C6: variants seen among roughly 807,000 people sequenced by gnomAD.
The protein encoded by C6 is complement C6.
A neutral mutation model predicts 112.9 loss-of-function variants in C6; 101 were observed. The observed-to-expected ratio is 0.89, with a 90% CI of 0.76 to 1.06. The LOEUF (loss-of-function observed/expected upper bound fraction) is 1.06. C6 is among the 50% of genes least tolerant of loss of function. The pLI, the probability that C6 is intolerant of heterozygous loss-of-function variation, is 0.00. For synonymous variants in C6, 431 were observed against 384.1 expected (o/e 1.12, Z -1.43); for missense variants, 1,202 against 1,104.6 (o/e 1.09, Z -1.25).
Position 41,172,619 on chromosome 5 carries a change from G to T in C6, c.1169-272C>A, listed in dbSNP as rs1256599984. 1.4e-5 allele frequency: 7 copies of T among 513,148 alleles called. No homozygotes were observed. The East Asian group carries it at 2.2e-4, about 16-fold the overall frequency. 31.8% of individuals were successfully genotyped at this position (513,148 alleles called of 1,614,324 possible). A position where few individuals can be genotyped will look rare whatever the true frequency, so the allele number is the denominator to read the frequency against. The stretch of plus-strand genomic sequence containing the variant: ...TCAGAAGCACATATGAGCCATTTTG[G>T]CCCTTCCCATGGGGATGGTGATGTC... On this transcript the variant is annotated intron_variant, in intron 8 of 17. Transcript: ENST00000337836.
chr5:41,203,018 T>C, intron 2 of C6, 70 bp downstream of exon 2: 2 of 1,446,172 alleles, frequency 1.4e-6, no homozygotes, highest in Non-Finnish European at 1.9e-6. Flanking sequence ...AGTGTTGCAC[T>C]CCTGATGTTG....
At chr5:41,216,686 C>T (rs1381294348), upstream of C6, among the ~76,000 whole-genome samples, 1 of 152,052 alleles carries the variant, frequency 6.6e-6, no homozygotes, top group Non-Finnish European at 1.5e-5. Flanking sequence ...CCTCATTTTT[C>T]CACCTTGCCA....
At chr5:41,252,464 G>A (rs776893005) in intron 1 of C6, among the ~76,000 whole-genome samples, 1 of 152,170 alleles carries the variant, frequency 6.6e-6, no homozygotes, top group Non-Finnish European at 1.5e-5. Context: ...CTACAAGACA[G>A]ACTCTTTGTA....
chr5:41,216,433 C>G (rs938199915), upstream of C6, among the ~76,000 whole-genome samples: 1 of 152,048 alleles, frequency 6.6e-6, no homozygotes, highest in Non-Finnish European at 1.5e-5. Context: ...GGATTTTATC[C>G]TCACCCCTTT....
intron 9 of C6, among the ~76,000 whole-genome samples, chr5:41,171,739 A>G (rs1748437803): frequency 6.6e-6 from 1 of 152,172 alleles, no homozygotes; most frequent in Admixed American, 6.5e-5. Context: ...TCCATTTGCC[A>G]AAGTCTTCAG....
chr5:41,193,573 TCTCA>T (rs911451868), intron 5 of C6, among the ~76,000 whole-genome samples: 41 of 152,164 alleles, frequency 2.7e-4, no homozygotes, highest in African/African-American at 9.7e-4. Flanking sequence ...TACTCACAGA[TCTCA>T]CTATTTTGCC....
chr5:41,157,368 G>T (rs1312737384), intron 13 of C6, among the ~76,000 whole-genome samples: 1 of 152,122 alleles, frequency 6.6e-6, no homozygotes, highest in Non-Finnish European at 1.5e-5. Context: ...TTGGTATCTG[G>T]ATCTGCCAAT....
intron 1 of C6, among the ~76,000 whole-genome samples, chr5:41,256,423 T>A: frequency 9.3e-6 from 1 of 107,884 alleles, no homozygotes. Flanking sequence ...AAACTTAAAG[T>A]ATAATTAAAA....
At chr5:41,240,822 G>C (rs557626078) in intron 1 of C6, among the ~76,000 whole-genome samples, 1 of 152,278 alleles carries the variant, frequency 6.6e-6, no homozygotes, top group African/African-American at 2.4e-5. Flanking sequence ...GGGAATACCA[G>C]GTGAGGTGGG....
intron 7 of C6, 139 bp downstream of exon 7, chr5:41,181,220 A>C: frequency 1.3e-6 from 1 of 751,718 alleles, no homozygotes. Flanking sequence ...AGATATAACA[A>C]AAAATGGAAA....
At chr5:41,153,761 TC>T (rs1329420409) in intron 15 of C6, 48 bp downstream of exon 15, 2 of 1,391,398 alleles carry the variant, frequency 1.4e-6, no homozygotes, top group East Asian at 4.6e-5. Flanking sequence ...ACTACCAATC[TC>T]AGGGTGCACC....
intron 1 of C6, among the ~76,000 whole-genome samples, chr5:41,252,603 G>A (rs143999099): frequency 2.0e-5 from 3 of 152,318 alleles, no homozygotes; most frequent in Non-Finnish European, 4.4e-5. Flanking sequence ...AAATGGCCCT[G>A]CAAAGCCATC....
intron 4 of C6, among the ~76,000 whole-genome samples, chr5:41,197,633 G>A (rs1194570764): frequency 1.3e-5 from 2 of 152,120 alleles, no homozygotes; most frequent in East Asian, 3.8e-4. Flanking sequence ...TACCAGATTT[G>A]TGAGAATACA....
intron 1 of C6, among the ~76,000 whole-genome samples, chr5:41,211,420 A>G (rs937075368): frequency 1.3e-5 from 2 of 152,030 alleles, no homozygotes; most frequent in Non-Finnish European, 2.9e-5. Context: ...TTCCCACTCC[A>G]CTTGCAAGCT....
chr5:41,219,810 C>A (rs1739052819), intron 1 of C6, among the ~76,000 whole-genome samples: 1 of 152,114 alleles, frequency 6.6e-6, no homozygotes, highest in Admixed American at 6.6e-5. Context: ...AAATAAATAT[C>A]AATTTTTAAA....
At chr5:41,174,830 A>G (rs754222313) in intron 8 of C6, among the ~76,000 whole-genome samples, 5 of 152,170 alleles carry the variant, frequency 3.3e-5, no homozygotes, top group Admixed American at 6.6e-5. Context: ...AAAGGGAGAG[A>G]GAATAGGAGG....
At chr5:41,229,407 G>T (rs192825334) in intron 1 of C6, among the ~76,000 whole-genome samples, 32 of 150,928 alleles carry the variant, frequency 2.1e-4, no homozygotes, top group Admixed American at 1.7e-3. Context: ...TATATTTTTA[G>T]CTTTTCTTTT....
intron 1 of C6, among the ~76,000 whole-genome samples, chr5:41,224,557 A>G (rs968869962): frequency 1.3e-5 from 2 of 151,994 alleles, no homozygotes; most frequent in Non-Finnish European, 2.9e-5. Context: ...AGGTTCATCC[A>G]TGTTGACCAT....
intron 17 of C6, among the ~76,000 whole-genome samples, chr5:41,144,417 C>T (rs1264723020): frequency 1.3e-5 from 2 of 151,944 alleles, no homozygotes; most frequent in Non-Finnish European, 2.9e-5. Context: ...ACAGGTGCAC[C>T]CAACCATGCT....
Sources: gnomAD v4.1 joint callset for allele counts (sites outside exome capture counted in the v4.1 genomes callset) on GRCh38, gnomAD v4.1.1 for gene constraint, MANE v1.5 for transcripts, NCBI Gene and HGNC (gene_info 2026-07-23, HGNC 2026-07-21) for gene names.